The following ARFGEF2 variants were observed in gnomAD, a reference collection of about 807,000 sequenced individuals.
ARFGEF2 encodes the protein ARF guanine nucleotide exchange factor 2.
ARFGEF2 carries 74 observed loss-of-function variants against 219.9 expected under a neutral mutation model. The ratio of observed to expected loss-of-function variants is 0.34; its 90% confidence interval spans 0.28 to 0.41. ARFGEF2 has a LOEUF of 0.41. ARFGEF2 is among the 10% of genes least tolerant of loss of function. The pLI is 1.00. For missense variants in ARFGEF2, 1,743 were observed against 2,218.3 expected (o/e 0.79, Z 4.30); for synonymous variants, 733 against 799.2 (o/e 0.92, Z 1.40).
At chr20:49,019,188 G>C (rs2091549090) in intron 34 of ARFGEF2, among the ~76,000 whole-genome samples, 190 bp downstream of exon 34, 1 of 152,110 alleles carries the variant, frequency 6.6e-6, no homozygotes, top group Non-Finnish European at 1.5e-5. Flanking sequence ...GTGCAGGCAA[G>C]TACATGCACA....
At chr20:48,957,191 T>TA (rs2091111286) in intron 6 of ARFGEF2, among the ~76,000 whole-genome samples, 1 of 152,298 alleles carries the variant, frequency 6.6e-6, no homozygotes, top group East Asian at 1.9e-4. Flanking sequence ...ACCCCCCTTC[T>TA]AAAGAGGAGT....
At chr20:48,998,113 G>T in intron 23 of ARFGEF2, 80 bp from the exon 24 acceptor site, 3 of 1,341,204 alleles carry the variant, frequency 2.2e-6, no homozygotes, top group Non-Finnish European at 3.2e-6. Flanking sequence ...ACCCTCCTCG[G>T]CCTCCCAAAG....
rs575163331 is a variant in ARFGEF2, at chr20:48,942,267, A to G, written c.276+280A>G. Among the ~76,000 whole-genome samples, 5 of 152,212 alleles carry G rather than the reference A, an allele frequency of 3.3e-5. No homozygotes were observed. The South Asian group carries it at 1.0e-3, about 32-fold the overall frequency. On this transcript the variant is annotated intron_variant, in intron 3 of 38. Transcript: ENST00000371917. ...AATGAAACCTTTAGCATTAATTGGA[A>G]TATTTGACACACATGGGCACATAAG...
intron 18 of ARFGEF2, 96 bp downstream of exon 18, chr20:48,988,758 G>C (rs903702063): frequency 9.0e-7 from 1 of 1,111,564 alleles, no homozygotes; most frequent in Non-Finnish European, 1.3e-6. Context: ...AATGTGCATA[G>C]CTGGATATCT....
rs149471454 is a variant in ARFGEF2 at position 48,941,883 on chromosome 20, C to T, written c.172C>T (p.Pro58Ser). The T allele has an allele frequency of 5.4e-4, 866 of 1,614,244 alleles. No homozygotes were observed. The highest frequency in any genetic ancestry group is 8.2e-4 in the Middle Eastern group (5 of 6,062). ...EKQRLGTAAP[P>S]KANFIEADKY... ...TCCTAGGCTTGGCACTGCTGCACCACCAAAGGCAAACTTCATTGAAGCTGA... is the reference window on the plus strand; with the variant it reads ...TCCTAGGCTTGGCACTGCTGCACCATCAAAGGCAAACTTCATTGAAGCTGA... The change falls in exon 3 of 39, where the codon CCA (proline) becomes TCA (serine). Residue 58 changes from proline to serine, a missense_variant. By Grantham distance (74) the Pro-to-Ser change is moderately conservative. This residue lies in a region of ARFGEF2 where 394 missense variants were observed against 426.6 expected (regional missense o/e 0.92). Transcript: ENST00000371917.
chr20:48,959,117 G>A (rs1287824296), intron 6 of ARFGEF2, among the ~76,000 whole-genome samples: 1 of 152,174 alleles, frequency 6.6e-6, no homozygotes, highest in Non-Finnish European at 1.5e-5. Context: ...CAATACATAT[G>A]TACAGGCAGA....
intron 3 of ARFGEF2, among the ~76,000 whole-genome samples, chr20:48,950,926 T>C (rs978202361): frequency 1.7e-4 from 25 of 148,124 alleles, no homozygotes; most frequent in African/African-American, 6.2e-4. Flanking sequence ...GTGCAACCAT[T>C]ACCACAACCT....
At chr20:48,936,172 G>A (rs1460125064) in intron 1 of ARFGEF2, among the ~76,000 whole-genome samples, 4 of 134,306 alleles carry the variant, frequency 3.0e-5, no homozygotes, top group East Asian at 2.4e-4. Context: ...CGGGCAGAGG[G>A]GCTCCTCACT....
At chr20:48,993,706 G>T (rs537875731) in intron 21 of ARFGEF2, among the ~76,000 whole-genome samples, 17 of 152,270 alleles carry the variant, frequency 1.1e-4, no homozygotes, top group Non-Finnish European at 2.1e-4. Context: ...TGAGCTTCAG[G>T]TAGGAGGGCC....
intron 12 of ARFGEF2, among the ~76,000 whole-genome samples, chr20:48,973,900 T>A (rs2091244106): frequency 6.6e-6 from 1 of 152,212 alleles, no homozygotes; most frequent in East Asian, 1.9e-4. Context: ...TTTTTTTAGA[T>A]GATCTGCAAC....
chr20:49,016,209 A>G (rs2091528772), intron 30 of ARFGEF2, 71 bp from the exon 31 acceptor site: 3 of 1,563,932 alleles, frequency 1.9e-6, no homozygotes, highest in South Asian at 1.1e-5. Context: ...CAGTTTTGCC[A>G]GGAGTGTACA....
intron 36 of ARFGEF2, among the ~76,000 whole-genome samples, chr20:49,027,171 A>G (rs2091608706): frequency 6.6e-6 from 1 of 151,148 alleles, no homozygotes; most frequent in African/African-American, 2.4e-5. Flanking sequence ...TGCAACCTCT[A>G]GCCTCCTGGG....
chr20:49,013,948 G>T lies in ARFGEF2; in HGVS notation c.4167G>T (p.Glu1389Asp), dbSNP rs374177628. Residue 1389 changes from glutamate to aspartate, a missense_variant, in exon 30 of 39, where the codon GAG becomes GAT. Physicochemically the swap from Glu to Asp is conservative, Grantham distance 45 (BLOSUM62 2). This residue lies in a region of ARFGEF2 where 578 missense variants were observed against 664.0 expected (regional missense o/e 0.87). Coordinates refer to ENST00000371917, the MANE Select transcript of ARFGEF2 (RefSeq NM_006420.3). Reference sequence around the variant, plus strand: ...TTTTTGACAATATGAAACTCCCTGAGCAACTGTCAGAGGTAGGTGATAACT... The same window carrying T: ...TTTTTGACAATATGAAACTCCCTGATCAACTGTCAGAGGTAGGTGATAACT... ...FRIFDNMKLP[E>D]QLSEKSEWMT... 3 of 1,613,924 alleles carry T rather than the reference G, an allele frequency of 1.9e-6. No homozygotes were observed. The highest frequency in any genetic ancestry group is 1.7e-6 in the Non-Finnish European group (2 of 1,179,958).
chr20:48,981,373 A>G (rs1380520273), intron 14 of ARFGEF2, among the ~76,000 whole-genome samples: 1 of 152,164 alleles, frequency 6.6e-6, no homozygotes, highest in African/African-American at 2.4e-5. Context: ...TGGGCTTCCC[A>G]TAGTGGGTAA....
chr20:48,998,408 G>T lies in ARFGEF2; in HGVS notation c.3335G>T (p.Ser1112Ile). ...LASPHHPRMF[S>I]LQKIVEISYY... ...TCCCCCCACCATCCTCGCATGTTCA[G>T]CTTGCAGAAGATTGTGGAGATATCA... Residue 1112 changes from serine to isoleucine, a missense_variant, in exon 25 of 39, where the codon AGC becomes ATC. Physicochemically the swap from Ser to Ile is moderately radical, Grantham distance 142. Transcript: ENST00000371917. The T allele has an allele frequency of 6.2e-7, 1 of 1,614,068 alleles. No individual in the cohort carries two copies. The highest frequency in any genetic ancestry group is 8.5e-7 in the Non-Finnish European group (1 of 1,180,014).
Position 49,025,307 on chromosome 20 carries a change from C to G in ARFGEF2, c.4756-6C>G, listed in dbSNP as rs373963402. On this transcript the variant is annotated splice_region_variant and splice_polypyrimidine_tract_variant and intron_variant, in intron 35 of 38. Coordinates refer to ENST00000371917, the MANE Select transcript of ARFGEF2 (RefSeq NM_006420.3). Reference sequence around the variant, plus strand: ...TAGCTCTTCTATCCTCTGTCCTGTCCTCTAGCAAGACACGCTGGATGCAGA... The same window carrying G: ...TAGCTCTTCTATCCTCTGTCCTGTCGTCTAGCAAGACACGCTGGATGCAGA... 3.8e-5 allele frequency: 61 copies of G among 1,607,036 alleles called. No individual in the cohort carries two copies. The highest frequency in any genetic ancestry group is 5.0e-5 in the Non-Finnish European group (59 of 1,176,474).
At chr20:48,984,667 A>G (rs2091316352) in intron 14 of ARFGEF2, 62 bp from the exon 15 acceptor site, 18 of 1,592,970 alleles carry the variant, frequency 1.1e-5, no homozygotes, top group Non-Finnish European at 1.5e-5. Context: ...CTCAAATACC[A>G]GCTTTTGCTA....
In ARFGEF2 at chr20:49,036,172, A is replaced by G. The variant is rs2091665209; in HGVS notation, c.*2973A>G. ...ATAGAAGCTGGATCCTTAATACTGC[A>G]TTTTCTGAATTCTGTTTTAATATTT... On this transcript the variant is annotated 3_prime_UTR_variant, in exon 39 of 39. Coordinates refer to ENST00000371917, the MANE Select transcript of ARFGEF2 (RefSeq NM_006420.3). 1 of 398,186 alleles carries G rather than the reference A, an allele frequency of 2.5e-6. No homozygotes were observed. Among genetic ancestry groups the G allele is most frequent in the African/African-American group, 2.1e-5 (1 of 48,606 alleles). 24.7% of individuals were successfully genotyped at this position (398,186 alleles called of 1,614,324 possible). A position where few individuals can be genotyped will look rare whatever the true frequency, so the allele number is the denominator to read the frequency against.
chr20:48,922,276 C>T (rs1050604020), intron 1 of ARFGEF2, among the ~76,000 whole-genome samples: 3 of 152,232 alleles, frequency 2.0e-5, no homozygotes, highest in African/African-American at 7.2e-5. Context: ...TCCTTGTCGC[C>T]CTGTTTCCTG....
Sources: gnomAD v4.1 joint callset for allele counts (sites outside exome capture counted in the v4.1 genomes callset) on GRCh38, gnomAD v4.1.1 for gene constraint, gnomAD v4.1.1 regional missense constraint, MANE v1.5 for transcripts, NCBI Gene and HGNC (gene_info 2026-07-23, HGNC 2026-07-21) for gene names.